The following NELL1 variants were observed in gnomAD, a reference collection of about 807,000 sequenced individuals.
The protein encoded by NELL1 is protein kinase C-binding protein NELL1.
A neutral mutation model predicts 107.4 loss-of-function variants in NELL1; 76 were observed. The observed-to-expected ratio is 0.71, with a 90% CI of 0.59 to 0.86. The LOEUF (loss-of-function observed/expected upper bound fraction) is 0.86. Ranked by LOEUF, NELL1 falls within the 40% of genes least tolerant of loss-of-function variation. The pLI, the probability that NELL1 is intolerant of heterozygous loss-of-function variation, is 0.00. For synonymous variants in NELL1, 353 were observed against 341.2 expected (o/e 1.03, Z -0.38); for missense variants, 1,024 against 1,005.5 (o/e 1.02, Z -0.25).
At chr11:21,434,507 A>G (rs972806817) in intron 15 of NELL1, among the ~76,000 whole-genome samples, 2 of 152,046 alleles carry the variant, frequency 1.3e-5, no homozygotes, top group African/African-American at 4.8e-5. Flanking sequence ...TTGTTAATAC[A>G]TGGATTTATT....
chr11:21,107,575 C>G (rs1400873938), intron 12 of NELL1, among the ~76,000 whole-genome samples: 1 of 152,110 alleles, frequency 6.6e-6, no homozygotes, highest in East Asian at 1.9e-4. Context: ...ACGCAGTTGA[C>G]ACAGCTATCA....
intron 15 of NELL1, among the ~76,000 whole-genome samples, chr11:21,382,277 G>A (rs192764543): frequency 6.6e-6 from 1 of 151,936 alleles, no homozygotes; most frequent in Admixed American, 6.6e-5. Context: ...GTTAATGCAG[G>A]CACAACTGAT....
At chr11:21,046,641 G>T (rs112971292) in intron 12 of NELL1, among the ~76,000 whole-genome samples, 2,714 of 152,012 alleles carry the variant, frequency 0.018, 78 homozygotes, top group African/African-American at 0.061. Flanking sequence ...TTCTTGGCCT[G>T]CAGGCCAAAT....
At chr11:21,528,603 C>T (rs4923634) in intron 15 of NELL1, among the ~76,000 whole-genome samples, 133,249 of 149,492 alleles carry the variant, frequency 0.89, 59,929 homozygotes, top group Non-Finnish European at 0.95. Context: ...TTTCAGTCAC[C>T]AGGATCATGA....
chr11:21,044,118 T>C (rs1218869249), intron 12 of NELL1, among the ~76,000 whole-genome samples: 2 of 151,880 alleles, frequency 1.3e-5, no homozygotes, highest in Middle Eastern at 3.2e-3. Flanking sequence ...ATGCTTGAAG[T>C]TTAGAGTTAG....
intron 15 of NELL1, among the ~76,000 whole-genome samples, chr11:21,444,071 T>C (rs141715150): frequency 0.015 from 2,310 of 152,220 alleles, 31 homozygotes; most frequent in Middle Eastern, 0.048. Flanking sequence ...CTCCTCTCAA[T>C]ATTCTTCCAG....
At chr11:20,775,240 T>C (rs908688923) in intron 2 of NELL1, among the ~76,000 whole-genome samples, 1 of 152,226 alleles carries the variant, frequency 6.6e-6, no homozygotes, top group Admixed American at 6.5e-5. Flanking sequence ...CTGCTATGCA[T>C]CACAAAATAA....
intron 2 of NELL1, among the ~76,000 whole-genome samples, chr11:20,733,708 G>C (rs529201689): frequency 6.6e-6 from 1 of 152,300 alleles, no homozygotes; most frequent in South Asian, 2.1e-4. Flanking sequence ...TCAGAAGAGA[G>C]AGAAAACAAA....
chr11:20,740,144 C>T (rs1855858176), intron 2 of NELL1, among the ~76,000 whole-genome samples: 2 of 152,108 alleles, frequency 1.3e-5, no homozygotes, highest in South Asian at 4.2e-4. Flanking sequence ...CTAGCCCACT[C>T]AATGCTTATA....
intron 13 of NELL1, among the ~76,000 whole-genome samples, chr11:21,144,369 G>A (rs968787770): frequency 6.6e-6 from 1 of 152,072 alleles, no homozygotes; most frequent in Non-Finnish European, 1.5e-5. Flanking sequence ...ACTAATTTGA[G>A]GTATGTGAAA....
intron 1 of NELL1, chr11:20,670,763 C>T (rs1044311678): frequency 1.3e-5 from 2 of 152,272 alleles, no homozygotes; most frequent in African/African-American, 4.8e-5. Flanking sequence ...GGTTTGCAAT[C>T]CTACCCAGCC....
intron 12 of NELL1, among the ~76,000 whole-genome samples, chr11:21,101,788 T>A (rs1361483670): frequency 6.6e-6 from 1 of 152,200 alleles, no homozygotes; most frequent in Non-Finnish European, 1.5e-5. Flanking sequence ...ATTCTGTAGG[T>A]TGCCTGTTCA....
chr11:21,142,266 T>C (rs370813987), intron 13 of NELL1, among the ~76,000 whole-genome samples: 4 of 152,324 alleles, frequency 2.6e-5, no homozygotes, highest in African/African-American at 9.6e-5. Context: ...TTGGTGGTAA[T>C]GAACTATCCA....
chr11:21,317,998 G>T lies in NELL1; in HGVS notation c.1550-52855G>T, dbSNP rs192747977. Among the ~76,000 whole-genome samples, 518 of 152,156 alleles carry T rather than the reference G, an allele frequency of 3.4e-3. 3 individuals are homozygous for T. Among genetic ancestry groups the T allele is most frequent in the African/African-American group, 0.012 (487 of 41,510 alleles). ...TGTATTTCTTATGGGGTAAGACATG[G>T]TGCCTCTATGTGCTTTCAAATGAAG... On this transcript the variant is annotated intron_variant, in intron 14 of 19. Coordinates refer to ENST00000357134, the MANE Select transcript of NELL1 (RefSeq NM_006157.5).
intron 13 of NELL1, among the ~76,000 whole-genome samples, chr11:21,220,614 T>C (rs1056555588): frequency 9.2e-5 from 14 of 152,020 alleles, no homozygotes; most frequent in African/African-American, 3.4e-4. Flanking sequence ...TATTCCTAGG[T>C]GTTTTTTTTG....
chr11:21,319,133 G>A (rs1056014475), intron 14 of NELL1, among the ~76,000 whole-genome samples: 3 of 143,144 alleles, frequency 2.1e-5, no homozygotes, highest in African/African-American at 5.7e-5. Context: ...TCAGCAATAT[G>A]TGTGTGTGTG....
intron 12 of NELL1, among the ~76,000 whole-genome samples, chr11:20,996,577 G>T (rs1473558982): frequency 6.6e-6 from 1 of 152,150 alleles, no homozygotes; most frequent in Non-Finnish European, 1.5e-5. Flanking sequence ...TCAGCAGCTG[G>T]ATACTCAGTA....
chr11:21,270,935 C>A (rs7939274), intron 14 of NELL1, among the ~76,000 whole-genome samples: 162 of 152,128 alleles, frequency 1.1e-3, no homozygotes, highest in African/African-American at 3.8e-3. Flanking sequence ...TGGGTCAAAA[C>A]AGAAATCTCA....
chr11:21,563,184 G>A (rs1021449788), intron 17 of NELL1, among the ~76,000 whole-genome samples: 12 of 152,144 alleles, frequency 7.9e-5, no homozygotes, highest in South Asian at 2.1e-4. Flanking sequence ...ACAGCCCAGC[G>A]TCTTTTCATA....
Sources: allele counts gnomAD v4.1 joint callset (sites outside exome capture counted in the v4.1 genomes callset), GRCh38; gene constraint gnomAD v4.1.1; transcripts MANE v1.5; gene names NCBI Gene and HGNC (gene_info 2026-07-23, HGNC 2026-07-21).